Variants in ADK observed in about 807,000 individuals in gnomAD.
ADK encodes the protein N6,N6-dimethyladenosine kinase.
In ADK, 24 loss-of-function variants were observed where a neutral mutation model predicts 44.7. The ratio of observed to expected loss-of-function variants is 0.54; its 90% CI spans 0.39 to 0.76. The LOEUF is 0.76. ADK is among the 30% of genes least tolerant of loss of function. The probability of loss-of-function intolerance (pLI) is 0.00; values close to 1 mark genes in which losing one functional copy is unlikely to be tolerated. For synonymous variants in ADK, 128 were observed against 142.6 expected, an observed-to-expected ratio of 0.90 and a Z score of 0.73; for missense variants, 321 against 425.1, an observed-to-expected ratio of 0.76 and a Z score of 2.15.
intron 3 of ADK, among the ~76,000 whole-genome samples, chr10:74,242,268 G>A (rs1845239793): frequency 6.6e-6 from 1 of 152,202 alleles, no homozygotes; most frequent in African/African-American, 2.4e-5. Flanking sequence ...TTAGAAGGGA[G>A]AATTGCTGTT....
chr10:74,346,762 G>A (rs1339308678), intron 4 of ADK, among the ~76,000 whole-genome samples: 18 of 152,102 alleles, frequency 1.2e-4, no homozygotes, highest in Admixed American at 1.2e-3. Flanking sequence ...TTGAAGAAGA[G>A]AAGCAGTGGA....
intron 1 of ADK, among the ~76,000 whole-genome samples, chr10:74,184,516 TGTGTGTG>T (rs1842677278): frequency 2.8e-5 from 4 of 143,146 alleles, no homozygotes; most frequent in African/African-American, 1.0e-4. Flanking sequence ...TGTGTGTGTG[TGTGTGTG>T]TGTGTGTGTG....
chr10:74,414,998 G>A (rs1263631792), intron 6 of ADK, among the ~76,000 whole-genome samples: 3 of 152,102 alleles, frequency 2.0e-5, no homozygotes, highest in Non-Finnish European at 2.9e-5. Context: ...TTCATTACAC[G>A]GACTAACCTT....
chr10:74,494,722 G>A (rs1242374047), intron 6 of ADK, among the ~76,000 whole-genome samples: 1 of 151,940 alleles, frequency 6.6e-6, no homozygotes, highest in Non-Finnish European at 1.5e-5. Flanking sequence ...GAGTGCAGTG[G>A]CATGATCTCA....
At chr10:74,420,012 T>A (rs1241846099) in intron 6 of ADK, among the ~76,000 whole-genome samples, 2 of 152,170 alleles carry the variant, frequency 1.3e-5, no homozygotes, top group Non-Finnish European at 2.9e-5. Context: ...TGAATATTTT[T>A]AAAAAGTTAT....
At chr10:74,332,718 A>T (rs1440724596) in intron 4 of ADK, among the ~76,000 whole-genome samples, 1 of 152,212 alleles carries the variant, frequency 6.6e-6, no homozygotes, top group Non-Finnish European at 1.5e-5. Context: ...AGGTATTAGA[A>T]ATATAACTCC....
At chr10:74,227,888 C>T (rs1379916792) in intron 3 of ADK, among the ~76,000 whole-genome samples, 2 of 151,860 alleles carry the variant, frequency 1.3e-5, no homozygotes, top group Non-Finnish European at 2.9e-5. Flanking sequence ...TGTGTGCCTG[C>T]AGTCCCAGCT....
chr10:74,648,086 A>G (rs1374139633), intron 9 of ADK, among the ~76,000 whole-genome samples: 1 of 151,944 alleles, frequency 6.6e-6, no homozygotes, highest in East Asian at 1.9e-4. Context: ...AAGTATATAT[A>G]TGTATATATA....
chr10:74,250,184 A>G (rs919907747), intron 3 of ADK, among the ~76,000 whole-genome samples: 2 of 152,118 alleles, frequency 1.3e-5, no homozygotes, highest in Admixed American at 1.3e-4. Context: ...GCTATTATAT[A>G]GTGTGATGAT....
At chr10:74,189,044 T>C (rs1591826726) in intron 1 of ADK, among the ~76,000 whole-genome samples, 1 of 151,900 alleles carries the variant, frequency 6.6e-6, no homozygotes, top group Middle Eastern at 3.4e-3. Flanking sequence ...GTGCCACCGC[T>C]CCCAGCCACA....
At chr10:74,340,533 T>C (rs1393217984) in intron 4 of ADK, among the ~76,000 whole-genome samples, 1 of 152,114 alleles carries the variant, frequency 6.6e-6, no homozygotes, top group Non-Finnish European at 1.5e-5. Context: ...AGCATTTGCT[T>C]TGATTAAAAA....
intron 10 of ADK, among the ~76,000 whole-genome samples, chr10:74,689,319 A>G (rs1017472069): frequency 6.6e-6 from 1 of 152,094 alleles, no homozygotes; most frequent in Admixed American, 6.5e-5. Context: ...TACATGTGTT[A>G]GGAAAGAAGG....
chr10:74,458,299 G>GTTTTTTTTTTT (rs376118678), intron 6 of ADK, among the ~76,000 whole-genome samples: 2 of 79,026 alleles, frequency 2.5e-5, no homozygotes, highest in African/African-American at 9.8e-5. Context: ...CCCAGGTTTT[G>GTTTTTTTTTTT]TTTTTTTTTT....
chr10:74,475,025 T>C (rs576075873), intron 6 of ADK, among the ~76,000 whole-genome samples: 7 of 152,140 alleles, frequency 4.6e-5, no homozygotes, highest in Admixed American at 3.3e-4. Context: ...CTTGGGAGGC[T>C]GAAGCAGGAG....
intron 4 of ADK, among the ~76,000 whole-genome samples, chr10:74,318,497 G>T (rs951845075): frequency 6.6e-6 from 1 of 152,116 alleles, no homozygotes; most frequent in African/African-American, 2.4e-5. Flanking sequence ...GAGTGCTTCA[G>T]AACTCAAGTA....
chr10:74,227,593 C>T (rs1162716125), intron 3 of ADK, among the ~76,000 whole-genome samples: 4 of 152,092 alleles, frequency 2.6e-5, no homozygotes, highest in East Asian at 3.9e-4. Context: ...CCTGTAATCC[C>T]AGCACTTTGG....
chr10:74,463,389 G>T (rs1846238839), intron 6 of ADK, among the ~76,000 whole-genome samples: 1 of 152,168 alleles, frequency 6.6e-6, no homozygotes, highest in Non-Finnish European at 1.5e-5. Flanking sequence ...GGGGTGATGG[G>T]AGTCAGTGAC....
At position 74,267,790 on chromosome 10, in the gene ADK, G is replaced by GTGTGTGTGTCTGTC. The variant is rs35081179; in HGVS notation, c.194+43202_194+43203insGTGTGTCTGTCTGT. Among the ~76,000 whole-genome samples the GTGTGTGTGTCTGTC allele has an allele frequency of 2.1e-3, 311 of 145,700 alleles. 2 individuals carry two copies. Among genetic ancestry groups the GTGTGTGTGTCTGTC allele is most frequent in the African/African-American group, 6.9e-3 (258 of 37,622 alleles). On this transcript the variant is annotated intron_variant, in intron 3 of 10. Coordinates refer to ENST00000539909, the MANE Select transcript of ADK (RefSeq NM_006721.4). ...TGTGTGTGTGTGTGTGTGTGTGTGT[G>GTGTGTGTGTCTGTC]TGTCTGTCTGTCTGTTTTAGTGGCT...
intron 3 of ADK, among the ~76,000 whole-genome samples, chr10:74,313,929 C>T (rs1192851393): frequency 6.6e-6 from 1 of 151,718 alleles, no homozygotes; most frequent in Non-Finnish European, 1.5e-5. Flanking sequence ...ATTTTGATTG[C>T]TCAGGTAATC....
Sources: gnomAD v4.1 joint callset for allele counts (sites outside exome capture counted in the v4.1 genomes callset) on GRCh38, gnomAD v4.1.1 for gene constraint, MANE v1.5 for transcripts, NCBI Gene and HGNC (gene_info 2026-07-23, HGNC 2026-07-21) for gene names.